Variants in FGF12 observed in about 807,000 individuals in gnomAD.
FGF12 encodes fibroblast growth factor 12, also known as fibroblast growth factor 12B.
Under a neutral mutation model 23.6 loss-of-function variants are expected in FGF12, and 14 were observed. The observed-to-expected ratio is 0.59, with a 90% CI of 0.39 to 0.93. The LOEUF is 0.93. Among genes scored for constraint, FGF12 ranks in the 40% least tolerant of loss-of-function variants. The probability of loss-of-function intolerance (pLI) is 0.00; values close to 1 mark genes in which losing one functional copy is unlikely to be tolerated. For synonymous variants in FGF12, 62 were observed against 77.3 expected (o/e 0.80, Z 1.04); for missense variants, 175 against 217.8 (o/e 0.80, Z 1.24).
At position 192,144,062 on chromosome 3, in the gene FGF12, A is replaced by G; in HGVS notation, c.493T>C (p.Ser165Pro). 1 of 1,613,798 alleles carries G rather than the reference A, an allele frequency of 6.2e-7. No homozygotes were observed. Among genetic ancestry groups the G allele is most frequent in the Non-Finnish European group, 8.5e-7 (1 of 1,179,790 alleles). Residue 165 changes from serine to proline, a missense_variant, in exon 6 of 6, where the codon TCT becomes CCT. Ser to Pro is a moderately conservative substitution (Grantham distance 74). Coordinates refer to ENST00000445105, the MANE Select transcript of FGF12 (RefSeq NM_004113.6). ...CCTCCATTCATGGTTGGTGTTCCAG[A>G]ACTTTTCCTTGAACGCCCTTGTTTT... ...GEKQGRSRKS[S>P]GTPTMNGGKV...
intron 5 of FGF12, among the ~76,000 whole-genome samples, chr3:192,158,354 CTTTCTTTCTTTCT>C (rs1231358033): frequency 8.9e-6 from 1 of 111,782 alleles, no homozygotes; most frequent in Non-Finnish European, 1.8e-5. Context: ...TTCTTTCTTT[CTTTCTTTCTTTCT>C]TTCTTTCTTT....
At chr3:192,542,295 T>C (rs1725389521) in intron 2 of FGF12, among the ~76,000 whole-genome samples, 2 of 152,244 alleles carry the variant, frequency 1.3e-5, no homozygotes, top group South Asian at 4.1e-4. Context: ...TGATGCATTC[T>C]TCAGTATTTC....
chr3:192,491,084 C>T (rs1311610423), intron 2 of FGF12, among the ~76,000 whole-genome samples: 2 of 152,164 alleles, frequency 1.3e-5, no homozygotes, highest in Non-Finnish European at 2.9e-5. Context: ...AAAGAATTAT[C>T]ATTAACATAA....
intron 4 of FGF12, among the ~76,000 whole-genome samples, chr3:192,314,260 A>G (rs1716111199): frequency 6.6e-6 from 1 of 151,824 alleles, no homozygotes; most frequent in African/African-American, 2.4e-5. Context: ...ATGGTAAAGT[A>G]TATTGCTTAA....
At chr3:192,406,775 C>T (rs1044018059) in intron 2 of FGF12, among the ~76,000 whole-genome samples, 1 of 152,138 alleles carries the variant, frequency 6.6e-6, no homozygotes, top group Non-Finnish European at 1.5e-5. Context: ...GGCTTAACCC[C>T]AAATTTCTGA....
intron 2 of FGF12, among the ~76,000 whole-genome samples, chr3:192,661,563 C>A (rs1716673244): frequency 6.6e-6 from 1 of 151,538 alleles, no homozygotes; most frequent in South Asian, 2.1e-4. Flanking sequence ...GGAAATTCTC[C>A]CAAGAATCAG....
intron 2 of FGF12, among the ~76,000 whole-genome samples, chr3:192,508,579 C>A (rs1724380490): frequency 6.6e-6 from 1 of 152,096 alleles, no homozygotes; most frequent in Non-Finnish European, 1.5e-5. Context: ...TATGTTGAAG[C>A]AAGAGCAGAG....
At chr3:192,385,218 T>C (rs926965033) in intron 2 of FGF12, among the ~76,000 whole-genome samples, 1 of 152,044 alleles carries the variant, frequency 6.6e-6, no homozygotes, top group Non-Finnish European at 1.5e-5. Context: ...TATTTATTTA[T>C]ATATAAAAAT....
chr3:192,540,374 C>T (rs962728267), intron 2 of FGF12, among the ~76,000 whole-genome samples: 2 of 151,832 alleles, frequency 1.3e-5, no homozygotes, highest in African/African-American at 4.8e-5. Flanking sequence ...TTTTCAATTT[C>T]CTTTTTCATT....
intron 3 of FGF12, among the ~76,000 whole-genome samples, chr3:192,343,692 A>C (rs1421590480): frequency 6.6e-6 from 1 of 152,178 alleles, no homozygotes; most frequent in Non-Finnish European, 1.5e-5. Context: ...CAGGCAAATT[A>C]ATTATTCATT....
chr3:192,203,565 A>AC (rs1717488061), intron 4 of FGF12, among the ~76,000 whole-genome samples: 1 of 127,678 alleles, frequency 7.8e-6, no homozygotes, highest in South Asian at 2.5e-4. Context: ...TTTTTTCTTT[A>AC]CTTTTTTTTT....
chr3:192,600,171 C>A (rs147520437), intron 2 of FGF12, among the ~76,000 whole-genome samples: 4 of 151,996 alleles, frequency 2.6e-5, no homozygotes, highest in East Asian at 3.9e-4. Context: ...CTGTTCCTGG[C>A]GCCTTTGTCA....
At chr3:192,459,915 A>G (rs1190003996) in intron 2 of FGF12, among the ~76,000 whole-genome samples, 2 of 151,960 alleles carry the variant, frequency 1.3e-5, no homozygotes, top group African/African-American at 4.8e-5. Context: ...GTGATTCAAC[A>G]TCCTTCAAAA....
chr3:192,274,790 T>G (rs760951166), intron 4 of FGF12, among the ~76,000 whole-genome samples: 1 of 152,194 alleles, frequency 6.6e-6, no homozygotes, highest in African/African-American at 2.4e-5. Flanking sequence ...AAGTTGCTAA[T>G]AACATACAGC....
chr3:192,577,408 GC>G (rs1461929305), intron 2 of FGF12, among the ~76,000 whole-genome samples: 1 of 152,024 alleles, frequency 6.6e-6, no homozygotes, highest in Non-Finnish European at 1.5e-5. Flanking sequence ...TAAATATTTG[GC>G]CCTTTGTATG....
At chr3:192,341,672 A>G (rs60025081) in intron 3 of FGF12, among the ~76,000 whole-genome samples, 230 of 152,334 alleles carry the variant, frequency 1.5e-3, no homozygotes, top group African/African-American at 5.1e-3. Flanking sequence ...GAAGGAGAAG[A>G]TGAGAGAAAG....
chr3:192,411,884 C>T (rs184797562), intron 2 of FGF12, among the ~76,000 whole-genome samples: 6 of 152,144 alleles, frequency 3.9e-5, no homozygotes, highest in South Asian at 2.1e-4. Flanking sequence ...TCATCTACCT[C>T]GCAGAAGTGA....
intron 2 of FGF12, among the ~76,000 whole-genome samples, chr3:192,564,553 T>C (rs1217879637): frequency 2.0e-5 from 3 of 152,214 alleles, no homozygotes; most frequent in African/African-American, 7.2e-5. Flanking sequence ...AATTGAATCA[T>C]TGTCTTTCCT....
chr3:192,633,735 A>T (rs927645068), intron 2 of FGF12, among the ~76,000 whole-genome samples: 2 of 152,204 alleles, frequency 1.3e-5, no homozygotes, highest in African/African-American at 4.8e-5. Flanking sequence ...TATCTGTGAC[A>T]GTCCTATATG....
Sources: gnomAD v4.1 joint callset for allele counts (sites outside exome capture counted in the v4.1 genomes callset) on GRCh38, gnomAD v4.1.1 for gene constraint, MANE v1.5 for transcripts, NCBI Gene and HGNC (gene_info 2026-07-23, HGNC 2026-07-21) for gene names.